The following KCNIP4 variants were observed in gnomAD, a reference collection of about 807,000 sequenced individuals.
The protein encoded by KCNIP4 is Kv channel-interacting protein 4.
KCNIP4 carries 12 observed loss-of-function variants against 34.0 expected under a neutral mutation model. The observed-to-expected ratio is 0.35, with a 90% CI of 0.23 to 0.57. KCNIP4 has a LOEUF of 0.57. KCNIP4 is among the 20% of genes least tolerant of loss of function. The pLI is 0.83. For missense variants in KCNIP4, 238 were observed against 311.7 expected (o/e 0.76, Z 1.78); for synonymous variants, 124 against 102.2 (o/e 1.21, Z -1.29).
chr4:20,920,678 A>T (rs773767381), intron 1 of KCNIP4, among the ~76,000 whole-genome samples: 6 of 152,154 alleles, frequency 3.9e-5, no homozygotes, highest in Non-Finnish European at 7.3e-5. Context: ...AATGACAATG[A>T]TCCACTTGCA....
chr4:21,720,528 TTC>T (rs200172950), intron 1 of KCNIP4, among the ~76,000 whole-genome samples: 6 of 107,990 alleles, frequency 5.6e-5, no homozygotes, highest in Admixed American at 2.1e-4. Context: ...TCTGTTTTTT[TTC>T]TTTTTTTTTT....
At chr4:21,497,466 A>T (rs988395940) in intron 1 of KCNIP4, among the ~76,000 whole-genome samples, 4 of 152,096 alleles carry the variant, frequency 2.6e-5, no homozygotes, top group Admixed American at 2.6e-4. Context: ...TCTTCACATG[A>T]TGAACTCCTA....
Position 21,077,161 on chromosome 4 carries a change from T to A in KCNIP4, c.62-194452A>T, listed in dbSNP as rs531669542. On this transcript the variant is annotated intron_variant, in intron 1 of 8. Coordinates refer to ENST00000382152, the MANE Select transcript of KCNIP4 (RefSeq NM_025221.6). ...TAAAATAAATTAAATAAATAAAAATTAAAATTAAAAAAAGTATTGAGGTTT... is the reference window on the plus strand; with the variant it reads ...TAAAATAAATTAAATAAATAAAAATAAAAATTAAAAAAAGTATTGAGGTTT... 1.8e-3 allele frequency among the ~76,000 whole-genome samples: 270 copies of A among 151,838 alleles called. 1 individual carries two copies. Among genetic ancestry groups the A allele is most frequent in the African/African-American group, 6.2e-3 (257 of 41,500 alleles).
At chr4:20,744,195 G>T (rs1751871386) in intron 5 of KCNIP4, among the ~76,000 whole-genome samples, 1 of 152,206 alleles carries the variant, frequency 6.6e-6, no homozygotes, top group African/African-American at 2.4e-5. Context: ...CATTGTGGAA[G>T]ACTGGTGACT....
intron 1 of KCNIP4, among the ~76,000 whole-genome samples, chr4:20,968,788 G>T (rs990491950): frequency 1.4e-5 from 2 of 145,488 alleles, no homozygotes; most frequent in African/African-American, 5.1e-5. Context: ...GGGGTGGGGG[G>T]CTGGGGGAGG....
chr4:21,447,133 G>A (rs1265634942), intron 1 of KCNIP4, among the ~76,000 whole-genome samples: 1 of 152,118 alleles, frequency 6.6e-6, no homozygotes, highest in African/African-American at 2.4e-5. Context: ...CTGACTCTCT[G>A]TCATATATGC....
chr4:21,485,843 G>A (rs926690034), intron 1 of KCNIP4, among the ~76,000 whole-genome samples: 2 of 152,044 alleles, frequency 1.3e-5, no homozygotes, highest in African/African-American at 4.8e-5. Flanking sequence ...AATGTCTAAC[G>A]AACGACCGTC....
intron 1 of KCNIP4, among the ~76,000 whole-genome samples, chr4:21,898,595 T>G (rs1404726498): frequency 6.6e-6 from 1 of 152,176 alleles, no homozygotes; most frequent in Non-Finnish European, 1.5e-5. Context: ...ATTCATCACC[T>G]GCTGACTAAT....
chr4:20,847,679 G>T (rs1176242726), intron 3 of KCNIP4, among the ~76,000 whole-genome samples: 3 of 152,112 alleles, frequency 2.0e-5, no homozygotes, highest in African/African-American at 7.2e-5. Context: ...AACAATCTAT[G>T]TTGAAAATGC....
At chr4:21,567,022 C>T (rs1031511380) in intron 1 of KCNIP4, among the ~76,000 whole-genome samples, 5 of 151,942 alleles carry the variant, frequency 3.3e-5, no homozygotes, top group African/African-American at 9.7e-5. Flanking sequence ...CTATCAATAC[C>T]GAAAACTGTT....
chr4:20,991,430 G>T (rs754942986), intron 1 of KCNIP4, among the ~76,000 whole-genome samples: 8 of 152,086 alleles, frequency 5.3e-5, no homozygotes, highest in Non-Finnish European at 1.2e-4. Context: ...GGAGAAGAGA[G>T]GAAGAAAAGG....
At chr4:21,016,588 C>T (rs911895015) in intron 1 of KCNIP4, among the ~76,000 whole-genome samples, 1 of 152,134 alleles carries the variant, frequency 6.6e-6, no homozygotes, top group Non-Finnish European at 1.5e-5. Context: ...AGACACCTCA[C>T]CCAGCCAAGC....
chr4:21,217,407 T>C (rs890161137), intron 1 of KCNIP4, among the ~76,000 whole-genome samples: 3 of 152,114 alleles, frequency 2.0e-5, no homozygotes, highest in Non-Finnish European at 4.4e-5. Flanking sequence ...CAAAGGCAAG[T>C]TGGGAGCACA....
intron 1 of KCNIP4, among the ~76,000 whole-genome samples, chr4:20,992,464 T>C (rs193056412): frequency 6.6e-6 from 1 of 152,116 alleles, no homozygotes; most frequent in African/African-American, 2.4e-5. Flanking sequence ...CAAGATGAGA[T>C]TTTGGGTGGG....
At chr4:21,261,875 C>T (rs73249526) in intron 1 of KCNIP4, among the ~76,000 whole-genome samples, 12,048 of 152,178 alleles carry the variant, frequency 0.079, 567 homozygotes, top group South Asian at 0.21. Flanking sequence ...CCAATTTACA[C>T]TTCTCATGGT....
chr4:21,270,347 C>G (rs1417549361), intron 1 of KCNIP4, among the ~76,000 whole-genome samples: 1 of 152,108 alleles, frequency 6.6e-6, no homozygotes, highest in African/African-American at 2.4e-5. Flanking sequence ...TTCTGCAGAA[C>G]CCAGAAGTAT....
At position 21,117,483 on chromosome 4, in the gene KCNIP4, A is replaced by G. The variant is rs569071318; in HGVS notation, c.62-234774T>C. Among the ~76,000 whole-genome samples the G allele has an allele frequency of 1.2e-4, 19 of 152,284 alleles. 1 individual carries two copies. The East Asian group carries it at 3.5e-3, about 28-fold the overall frequency. ...TAGGTTCTGAGAGTTCCATTTAAAT[A>G]AAAACATCAATAACATCTAATTGGC... On this transcript the variant is annotated intron_variant, in intron 1 of 8. Transcript: ENST00000382152.
At chr4:21,010,401 T>C (rs943280814) in intron 1 of KCNIP4, among the ~76,000 whole-genome samples, 1 of 152,208 alleles carries the variant, frequency 6.6e-6, no homozygotes, top group Non-Finnish European at 1.5e-5. Flanking sequence ...AACCACACTC[T>C]TAGTCTAATG....
At chr4:21,326,643 TATC>T (rs1715095514) in intron 1 of KCNIP4, among the ~76,000 whole-genome samples, 1 of 151,846 alleles carries the variant, frequency 6.6e-6, no homozygotes, top group Non-Finnish European at 1.5e-5. Context: ...CATTCAAGGT[TATC>T]ATTGATAAAT....
Sources: gnomAD v4.1 joint callset for allele counts (sites outside exome capture counted in the v4.1 genomes callset) on GRCh38, gnomAD v4.1.1 for gene constraint, MANE v1.5 for transcripts, NCBI Gene and HGNC (gene_info 2026-07-23, HGNC 2026-07-21) for gene names.